Variants in INTS8 observed in about 807,000 individuals in gnomAD.
The protein encoded by INTS8 is protein kaonashi-1.
A neutral mutation model predicts 138.9 loss-of-function variants in INTS8; 47 were observed. That is an observed-to-expected ratio of 0.34 (90% CI 0.27 to 0.43). INTS8 has a LOEUF of 0.43. Ranked by LOEUF, INTS8 falls within the 20% of genes least tolerant of loss-of-function variation. The pLI, the probability that INTS8 is intolerant of heterozygous loss-of-function variation, is 1.00. For missense variants in INTS8, 996 were observed against 1,173.0 expected, an observed-to-expected ratio of 0.85 and a Z score of 2.20; for synonymous variants, 392 against 400.9, an observed-to-expected ratio of 0.98 and a Z score of 0.27.
chr8:94,866,371 C>A, intron 18 of INTS8, 180 bp downstream of exon 18: 2 of 596,820 alleles, frequency 3.4e-6, no homozygotes, highest in Non-Finnish European at 6.4e-6. Context: ...TAACTCACTG[C>A]GTCTTCTAAT....
chr8:94,831,854 A>C, intron 5 of INTS8, 138 bp from the exon 6 acceptor site: 1 of 541,804 alleles, frequency 1.8e-6, no homozygotes, highest in Admixed American at 3.7e-5. Context: ...TATTTCAACA[A>C]ATGTAATTGT....
rs796110552 is a variant in INTS8 at position 94,825,868 on chromosome 8, T to C, written c.305+801T>C. Among the ~76,000 whole-genome samples, 5 of 152,174 alleles carry C rather than the reference T, an allele frequency of 3.3e-5. No individual in the cohort carries two copies. The South Asian group carries it at 1.0e-3, about 31-fold the overall frequency. The stretch of plus-strand genomic sequence containing the variant: ...ACATTTTCATGTAATTTTTTTTCTT[T>C]GTTCTCCATAGGCTTAAAGTTGTGA... On this transcript the variant is annotated intron_variant, in intron 2 of 26. Transcript: ENST00000523731.
chr8:94,831,978 A>T lies in INTS8; in HGVS notation c.571-14A>T, dbSNP rs760213962. 1 of 1,565,792 alleles carries T rather than the reference A, an allele frequency of 6.4e-7. No individual in the cohort carries two copies. The highest frequency in any genetic ancestry group is 8.6e-7 in the Non-Finnish European group (1 of 1,160,462). The stretch of plus-strand genomic sequence containing the variant: ...GCTATTTTTGTATTTTTATTTGTTT[A>T]TTGATTTCTGTAGCTCAAAGAACAA... On this transcript the variant is annotated splice_polypyrimidine_tract_variant and intron_variant, in intron 5 of 26. Coordinates refer to ENST00000523731, the MANE Select transcript of INTS8 (RefSeq NM_017864.4).
At chr8:94,833,416 C>G (rs1484403623) in intron 6 of INTS8, among the ~76,000 whole-genome samples, 1 of 151,734 alleles carries the variant, frequency 6.6e-6, no homozygotes, top group Non-Finnish European at 1.5e-5. Flanking sequence ...CAGGGTCTCC[C>G]TATGTTGCCC....
intron 16 of INTS8, chr8:94,859,908 G>A (rs79477990): frequency 0.17 from 52,734 of 308,144 alleles, 4,904 homozygotes; most frequent in Middle Eastern, 0.22. Flanking sequence ...TGAGAGATTC[G>A]CTTTCTTTGC....
intron 20 of INTS8, among the ~76,000 whole-genome samples, chr8:94,870,060 T>A (rs1586525765): frequency 6.6e-6 from 1 of 151,716 alleles, no homozygotes; most frequent in East Asian, 1.9e-4. Flanking sequence ...TTTATTTATT[T>A]TTTTTTTTTG....
intron 14 of INTS8, among the ~76,000 whole-genome samples, chr8:94,855,443 C>T (rs1024188351): frequency 6.6e-6 from 1 of 152,166 alleles, no homozygotes; most frequent in African/African-American, 2.4e-5. Context: ...CACATCTTAT[C>T]TAGTGGCTGC....
chr8:94,829,822 T>G (rs1814646202), intron 5 of INTS8, among the ~76,000 whole-genome samples: 1 of 152,230 alleles, frequency 6.6e-6, no homozygotes. Flanking sequence ...CGTCTTTATA[T>G]TTTGTATTTT....
In INTS8 at chr8:94,861,310, G is replaced by A. The variant is rs1173851422; in HGVS notation, c.2076+1678G>A. On this transcript the variant is annotated intron_variant, in intron 16 of 26. Transcript: ENST00000523731. ...GGAGTCTCGCTCTGTCGCCCAGGCT[G>A]GAGTGCAGTGGCGCGATCTCGGCTC... Among the ~76,000 whole-genome samples, 3 of 104,310 alleles carry A rather than the reference G, an allele frequency of 2.9e-5. 1 individual carries two copies. The highest frequency in any genetic ancestry group is 1.1e-4 in the African/African-American group (3 of 26,594). 68.4% of individuals were successfully genotyped at this position (104,310 alleles called of 152,430 possible). A position where few individuals can be genotyped will look rare whatever the true frequency, so the allele number is the denominator to read the frequency against.
intron 14 of INTS8, among the ~76,000 whole-genome samples, chr8:94,855,590 C>T (rs545993031): frequency 5.3e-5 from 8 of 152,324 alleles, no homozygotes; most frequent in African/African-American, 1.7e-4. Context: ...ATTTCATATA[C>T]ATTTATTGTT....
chr8:94,871,557 GT>G (rs1233478947), intron 20 of INTS8, among the ~76,000 whole-genome samples: 1 of 152,084 alleles, frequency 6.6e-6, no homozygotes, highest in Non-Finnish European at 1.5e-5. Context: ...CTAAGCAGAG[GT>G]AAGGGTTTTA....
In INTS8 at chr8:94,828,678, G is replaced by A. The variant is rs564506597; in HGVS notation, c.519-297G>A. ...TCACACCTGTAATCCTAACACTTTG[G>A]GAGGTTGAGGTGGGAGGATTACTTG... On this transcript the variant is annotated intron_variant, in intron 4 of 26. Coordinates refer to ENST00000523731, the MANE Select transcript of INTS8 (RefSeq NM_017864.4). 1.1e-4 allele frequency among the ~76,000 whole-genome samples: 17 copies of A among 152,252 alleles called. No homozygotes were observed. In the South Asian group the frequency reaches 2.9e-3, roughly 26 times the overall value.
chr8:94,867,216 A>G lies in INTS8; in HGVS notation c.2352+20A>G. 2 of 1,599,730 alleles carry G rather than the reference A, an allele frequency of 1.3e-6. No homozygotes were observed. The highest frequency in any genetic ancestry group is 1.7e-6 in the Non-Finnish European group (2 of 1,172,568). The stretch of plus-strand genomic sequence containing the variant: ...GTTCGGGTAAGTATTTCATAATTTC[A>G]TTTAGAAAAATTTAAAAGAAATTTC... On this transcript the variant is annotated intron_variant, in intron 19 of 26. Coordinates refer to ENST00000523731, the MANE Select transcript of INTS8 (RefSeq NM_017864.4).
chr8:94,873,323 C>G (rs776508302), intron 21 of INTS8, 51 bp from the exon 22 acceptor site: 24 of 1,244,420 alleles, frequency 1.9e-5, no homozygotes, highest in African/African-American at 2.9e-5. Flanking sequence ...AAAGGAATCC[C>G]TGTTTTTCAA....
At chr8:94,859,285 A>G (rs113460965) in intron 15 of INTS8, among the ~76,000 whole-genome samples, 12 of 151,272 alleles carry the variant, frequency 7.9e-5, no homozygotes, top group African/African-American at 2.7e-4. Context: ...TGTCTCTACA[A>G]AATTTTATTT....
At position 94,823,311 on chromosome 8, in the gene INTS8, C is replaced by A. The variant is rs757947939; in HGVS notation, c.-121C>A. The A allele has an allele frequency of 2.8e-5, 42 of 1,520,654 alleles. No individual in the cohort carries two copies. The African/African-American group carries it at 3.0e-4, about 11-fold the overall frequency. The allele number at this position is 1,520,654 out of a possible 1,614,324, so 94.2% of individuals were successfully genotyped here. A position where few individuals can be genotyped will look rare whatever the true frequency, so the allele number is the denominator to read the frequency against. On this transcript the variant is annotated 5_prime_UTR_variant, in exon 1 of 27. Coordinates refer to ENST00000523731, the MANE Select transcript of INTS8 (RefSeq NM_017864.4). The stretch of plus-strand genomic sequence containing the variant: ...CGCCATTTTGGATTGTGTGAGTTTC[C>A]GGGACGTTCGGAGGGTGGCCTCTCT...
At chr8:94,835,631 G>A (rs536234494) in intron 6 of INTS8, among the ~76,000 whole-genome samples, 1 of 150,402 alleles carries the variant, frequency 6.6e-6, no homozygotes, top group African/African-American at 2.5e-5. Context: ...ACAGAGTCTC[G>A]CCCTGTCGCC....
chr8:94,848,359 C>G (rs535039943), intron 10 of INTS8, among the ~76,000 whole-genome samples: 15 of 152,200 alleles, frequency 9.9e-5, no homozygotes, highest in African/African-American at 3.4e-4. Flanking sequence ...ACATACCATA[C>G]AGTTCACGCA....
chr8:94,866,025 G>A (rs6471500), intron 17 of INTS8, 133 bp from the exon 18 acceptor site: 427,872 of 563,154 alleles, frequency 0.76, 162,988 homozygotes, highest in Middle Eastern at 0.83. Flanking sequence ...TAGTATAACA[G>A]TAGAATATTA....
Sources: allele counts gnomAD v4.1 joint callset (sites outside exome capture counted in the v4.1 genomes callset), GRCh38; gene constraint gnomAD v4.1.1; transcripts MANE v1.5; gene names NCBI Gene and HGNC (gene_info 2026-07-23, HGNC 2026-07-21).